LPP: variants seen among roughly 807,000 people sequenced by gnomAD.
LPP encodes the protein lipoma-preferred partner.
A neutral mutation model predicts 60.4 loss-of-function variants in LPP; 38 were observed. The observed-to-expected ratio is 0.63, with a 90% CI of 0.49 to 0.83. The LOEUF (loss-of-function observed/expected upper bound fraction) is 0.83. Among genes scored for constraint, LPP ranks in the 40% least tolerant of loss-of-function variants. LPP has a pLI of 0.00. For synonymous variants in LPP, 328 were observed against 290.8 expected (o/e 1.13, Z -1.30); for missense variants, 902 against 783.6 (o/e 1.15, Z -1.80).
intron 3 of LPP, among the ~76,000 whole-genome samples, chr3:188,358,755 G>A (rs559922039): frequency 6.6e-6 from 1 of 152,298 alleles, no homozygotes; most frequent in Non-Finnish European, 1.5e-5. Flanking sequence ...GTGGGAAGAT[G>A]CAAGCGTTCC....
At chr3:188,453,302 T>G (rs1054263988) in intron 4 of LPP, among the ~76,000 whole-genome samples, 44 of 152,266 alleles carry the variant, frequency 2.9e-4, no homozygotes, top group African/African-American at 9.9e-4. Context: ...TCTGTAGGAC[T>G]GGGCTTTTTT....
Position 188,885,977 on chromosome 3 carries a change from A to C in LPP, c.*11498A>C, listed in dbSNP as rs1323678543. Reference sequence around the variant, plus strand: ...TGTTCAATACTATGCAGCCATAAAAAATGATGAGTTCATGTCCTTTGTAGG... The same window carrying C: ...TGTTCAATACTATGCAGCCATAAAACATGATGAGTTCATGTCCTTTGTAGG... On this transcript the variant is annotated 3_prime_UTR_variant, in exon 12 of 12. Coordinates refer to ENST00000617246, the MANE Select transcript of LPP (RefSeq NM_001375462.1). 10 of 152,264 alleles carry C rather than the reference A, an allele frequency of 6.6e-5. No individual in the cohort carries two copies. Among genetic ancestry groups the C allele is most frequent in the Non-Finnish European group, 1.3e-4 (9 of 68,016 alleles). 9.4% of individuals were successfully genotyped at this position (152,264 alleles called of 1,614,324 possible).
At chr3:188,285,517 C>T (rs1743630643) in intron 2 of LPP, among the ~76,000 whole-genome samples, 1 of 152,050 alleles carries the variant, frequency 6.6e-6, no homozygotes, top group Admixed American at 6.6e-5. Flanking sequence ...CTCCTGGGCT[C>T]AATCCTGAGT....
chr3:188,509,683 TTC>T (rs564929608), intron 5 of LPP, among the ~76,000 whole-genome samples: 34,456 of 57,172 alleles, frequency 0.6, 7,391 homozygotes, highest in Non-Finnish European at 0.64. Flanking sequence ...CCTTCCTTCC[TTC>T]CTCTCTCTCT....
At chr3:188,398,486 G>A (rs1169046566) in intron 3 of LPP, among the ~76,000 whole-genome samples, 1 of 152,208 alleles carries the variant, frequency 6.6e-6, no homozygotes, top group Non-Finnish European at 1.5e-5. Context: ...TCTGAGCAAT[G>A]CCAGCTGTCC....
At chr3:188,399,996 T>C (rs967407049) in intron 3 of LPP, among the ~76,000 whole-genome samples, 2 of 152,206 alleles carry the variant, frequency 1.3e-5, no homozygotes, top group Non-Finnish European at 2.9e-5. Context: ...TTTTCCCACC[T>C]ACGTGGGGCG....
chr3:188,479,872 G>A (rs919111260), intron 4 of LPP, among the ~76,000 whole-genome samples: 1 of 152,178 alleles, frequency 6.6e-6, no homozygotes, highest in South Asian at 2.1e-4. Context: ...GAGTTGAATT[G>A]TTCCCATGTG....
Position 188,874,428 on chromosome 3 carries a change from C to CA in LPP, c.1790dup (p.Asn597LysfsTer15). ...ATGGGCACATCCTCTGCAAGACCTG[C>CA]AACTCTGCCCGCATCAGGGTGTTGA... is the stretch of plus-strand genomic sequence containing the variant. On this transcript the variant is annotated frameshift_variant, in exon 12 of 12. Coordinates refer to ENST00000617246, the MANE Select transcript of LPP (RefSeq NM_001375462.1). LOFTEE classifies it high-confidence loss of function. 1 of 1,614,220 alleles carries CA rather than the reference C, an allele frequency of 6.2e-7. No individual in the cohort carries two copies. Among genetic ancestry groups the CA allele is most frequent in the Non-Finnish European group, 8.5e-7 (1 of 1,180,022 alleles).
intron 6 of LPP, among the ~76,000 whole-genome samples, chr3:188,543,117 A>G (rs1825659148): frequency 6.6e-6 from 1 of 152,036 alleles, no homozygotes; most frequent in African/African-American, 2.4e-5. Flanking sequence ...AGGACTCTCA[A>G]TTTCTTAGGG....
intron 4 of LPP, among the ~76,000 whole-genome samples, chr3:188,425,898 A>G (rs1789182431): frequency 1.3e-5 from 2 of 152,106 alleles, no homozygotes; most frequent in South Asian, 4.1e-4. Context: ...TCAAAACACC[A>G]GCTCCTGGAT....
At chr3:188,506,183 G>A (rs548863013) in intron 5 of LPP, among the ~76,000 whole-genome samples, 1 of 152,156 alleles carries the variant, frequency 6.6e-6, no homozygotes, top group Non-Finnish European at 1.5e-5. Context: ...GTCATGTGAT[G>A]TGGTGGCATG....
At chr3:188,387,960 T>A (rs1400522475) in intron 3 of LPP, among the ~76,000 whole-genome samples, 1 of 151,802 alleles carries the variant, frequency 6.6e-6, no homozygotes, top group African/African-American at 2.4e-5. Flanking sequence ...AATGTGTGAG[T>A]GAGTCAGCAT....
chr3:188,754,909 A>G (rs1268663703), intron 8 of LPP, among the ~76,000 whole-genome samples: 2 of 152,216 alleles, frequency 1.3e-5, no homozygotes, highest in African/African-American at 4.8e-5. Context: ...TCAGTGGAAG[A>G]TAATTTTTAA....
At chr3:188,862,346 TA>T (rs1292853835) in intron 9 of LPP, among the ~76,000 whole-genome samples, 1 of 152,116 alleles carries the variant, frequency 6.6e-6, no homozygotes, top group Non-Finnish European at 1.5e-5. Flanking sequence ...TTCAGTGTCA[TA>T]GGGGAAGCAT....
intron 6 of LPP, among the ~76,000 whole-genome samples, chr3:188,573,027 G>T (rs911521401): frequency 7.9e-5 from 12 of 152,148 alleles, no homozygotes; most frequent in Non-Finnish European, 1.8e-4. Context: ...CAGAGAGCTG[G>T]AAATATGTGG....
At chr3:188,167,538 C>CAAAACAAAACAAAACA (rs145648006) in intron 1 of LPP, among the ~76,000 whole-genome samples, 3 of 150,302 alleles carry the variant, frequency 2.0e-5, no homozygotes, top group South Asian at 2.1e-4. Flanking sequence ...CAAAACAAAA[C>CAAAACAAAACAAAACA]AAAGGCCTGC....
intron 9 of LPP, among the ~76,000 whole-genome samples, chr3:188,854,779 A>G (rs1763435125): frequency 6.6e-6 from 1 of 152,200 alleles, no homozygotes; most frequent in African/African-American, 2.4e-5. Flanking sequence ...TTTGGCTCAG[A>G]CCACTTATAG....
At chr3:188,538,056 C>T (rs920523019) in intron 6 of LPP, among the ~76,000 whole-genome samples, 3 of 152,166 alleles carry the variant, frequency 2.0e-5, no homozygotes, top group African/African-American at 7.2e-5. Flanking sequence ...TAAAGCTGGA[C>T]TCCCTACCTC....
intron 3 of LPP, among the ~76,000 whole-genome samples, chr3:188,404,006 G>T (rs1240263353): frequency 6.6e-6 from 1 of 152,152 alleles, no homozygotes; most frequent in Non-Finnish European, 1.5e-5. Flanking sequence ...AATAGCATGT[G>T]TCCTGATTAC....
Sources: gnomAD v4.1 joint callset for allele counts (sites outside exome capture counted in the v4.1 genomes callset) on GRCh38, gnomAD v4.1.1 for gene constraint, MANE v1.5 for transcripts, NCBI Gene and HGNC (gene_info 2026-07-23, HGNC 2026-07-21) for gene names.